Variants in KCNIP4 observed in about 807,000 individuals in gnomAD.
The protein encoded by KCNIP4 is potassium voltage-gated channel interacting protein 4, also known as Kv channel-interacting protein 4.
Under a neutral mutation model 34.0 loss-of-function variants are expected in KCNIP4, and 12 were observed. That is an observed-to-expected ratio of 0.35 (90% confidence interval 0.23 to 0.57). The LOEUF (loss-of-function observed/expected upper bound fraction) is 0.57, where lower values mean the gene tolerates loss of function less well. KCNIP4 is among the 20% of genes least tolerant of loss of function. KCNIP4 has a pLI of 0.83. For synonymous variants in KCNIP4, 124 were observed against 102.2 expected (o/e 1.21, Z -1.29); for missense variants, 238 against 311.7 (o/e 0.76, Z 1.78).
chr4:21,476,189 T>G lies in KCNIP4; in HGVS notation c.61+472382A>C, dbSNP rs1035282189. On this transcript the variant is annotated intron_variant, in intron 1 of 8. Coordinates refer to ENST00000382152, the MANE Select transcript of KCNIP4 (RefSeq NM_025221.6). ...CTTCTGCATTTTATATAGGTAAAGC[T>G]AGAAGAAAAGTAATCTATACTTATA... Among the ~76,000 whole-genome samples, 7 of 152,274 alleles carry G rather than the reference T, an allele frequency of 4.6e-5. No individual in the cohort carries two copies. In the South Asian group the frequency reaches 8.3e-4, roughly 18 times the overall value.
intron 3 of KCNIP4, among the ~76,000 whole-genome samples, chr4:20,765,670 G>A (rs1466763358): frequency 4.6e-5 from 7 of 152,146 alleles, no homozygotes; most frequent in Non-Finnish European, 4.4e-5. Flanking sequence ...GGAGGTCTCT[G>A]GTTCTGCTGG....
intron 3 of KCNIP4, among the ~76,000 whole-genome samples, chr4:20,764,367 A>T (rs1490091762): frequency 6.6e-6 from 1 of 152,116 alleles, no homozygotes; most frequent in Non-Finnish European, 1.5e-5. Flanking sequence ...ATTTTTAGTG[A>T]CTGCATAATA....
At chr4:21,283,628 A>T (rs1321699848) in intron 1 of KCNIP4, among the ~76,000 whole-genome samples, 1 of 128,238 alleles carries the variant, frequency 7.8e-6, no homozygotes, top group South Asian at 2.7e-4. Flanking sequence ...CTATATATAC[A>T]TATGAAGCAA....
At chr4:21,422,427 C>T (rs1417226328) in intron 1 of KCNIP4, among the ~76,000 whole-genome samples, 11 of 152,132 alleles carry the variant, frequency 7.2e-5, no homozygotes, top group Admixed American at 7.2e-4. Flanking sequence ...TCTCCAACTC[C>T]TGACCTCACG....
intron 1 of KCNIP4, among the ~76,000 whole-genome samples, chr4:21,040,260 A>AT (rs1003137898): frequency 6.6e-6 from 1 of 152,032 alleles, no homozygotes; most frequent in African/African-American, 2.4e-5. Context: ...AGGAAAGCCT[A>AT]TTTTTTTCCT....
At chr4:21,502,963 A>T (rs1028328336) in intron 1 of KCNIP4, among the ~76,000 whole-genome samples, 1 of 152,144 alleles carries the variant, frequency 6.6e-6, no homozygotes, top group Non-Finnish European at 1.5e-5. Context: ...TTTTCTATTA[A>T]AAATGATTTT....
In KCNIP4 at chr4:21,746,985, G is replaced by A. The variant is rs150640459; in HGVS notation, c.61+201586C>T. Among the ~76,000 whole-genome samples the A allele has an allele frequency of 8.8e-3, 1,334 of 152,186 alleles. 19 individuals carry two copies. The highest frequency in any genetic ancestry group is 0.039 in the South Asian group (188 of 4,822). ...AATTTCCAAAAAGCAATATGCATTC[G>A]TGTTTATAATAAAAACATAATCATT... is the stretch of plus-strand genomic sequence containing the variant. On this transcript the variant is annotated intron_variant, in intron 1 of 8. Transcript: ENST00000382152.
intron 1 of KCNIP4, among the ~76,000 whole-genome samples, chr4:21,013,186 T>C (rs1739214587): frequency 6.6e-6 from 1 of 152,180 alleles, no homozygotes; most frequent in African/African-American, 2.4e-5. Flanking sequence ...GAATGAGTCA[T>C]ATTTCCACAT....
At chr4:21,578,357 A>AAG (rs1553906183) in intron 1 of KCNIP4, among the ~76,000 whole-genome samples, 5 of 139,244 alleles carry the variant, frequency 3.6e-5, no homozygotes, top group Non-Finnish European at 6.0e-5. Flanking sequence ...AAAAAAAAAA[A>AAG]AGAGTTCATG....
chr4:20,792,010 C>T (rs912936710), intron 3 of KCNIP4, among the ~76,000 whole-genome samples: 5 of 152,164 alleles, frequency 3.3e-5, no homozygotes, highest in Non-Finnish European at 5.9e-5. Context: ...TTAAAATAAA[C>T]TTCTATATAT....
At chr4:21,453,304 T>G (rs780289223) in intron 1 of KCNIP4, among the ~76,000 whole-genome samples, 26 of 152,064 alleles carry the variant, frequency 1.7e-4, no homozygotes, top group Non-Finnish European at 3.5e-4. Context: ...AGTAACAATA[T>G]ATTGAACCCT....
intron 1 of KCNIP4, among the ~76,000 whole-genome samples, chr4:21,344,250 G>A (rs1265919484): frequency 6.6e-6 from 1 of 152,098 alleles, no homozygotes; most frequent in South Asian, 2.1e-4. Flanking sequence ...CATCTAATGT[G>A]GACTGTGAGA....
chr4:21,714,811 T>G (rs186682025), intron 1 of KCNIP4, among the ~76,000 whole-genome samples: 9 of 3,962 alleles, frequency 2.3e-3, no homozygotes, highest in South Asian at 0.013. Flanking sequence ...TTTATTTTAT[T>G]TTATTTTATT....
intron 1 of KCNIP4, among the ~76,000 whole-genome samples, chr4:21,588,502 C>T (rs1227338857): frequency 6.6e-6 from 1 of 152,026 alleles, no homozygotes; most frequent in African/African-American, 2.4e-5. Flanking sequence ...ATTCCAGATA[C>T]ATCAGGATTG....
chr4:21,704,265 G>A (rs537711074), intron 1 of KCNIP4, among the ~76,000 whole-genome samples: 18 of 152,192 alleles, frequency 1.2e-4, no homozygotes, highest in African/African-American at 4.3e-4. Flanking sequence ...CTAGGGCTAC[G>A]CAGAGTCCTT....
At chr4:21,345,970 G>T (rs1717270099) in intron 1 of KCNIP4, among the ~76,000 whole-genome samples, 1 of 149,326 alleles carries the variant, frequency 6.7e-6, no homozygotes, top group African/African-American at 2.5e-5. Flanking sequence ...GGCCTGGGTA[G>T]AGGTCCACAG....
chr4:21,130,520 T>C (rs1750982568), intron 1 of KCNIP4, among the ~76,000 whole-genome samples: 1 of 152,208 alleles, frequency 6.6e-6, no homozygotes, highest in Admixed American at 6.5e-5. Context: ...CCACAATAGA[T>C]TTCACTAAAC....
At chr4:21,232,881 G>GTT (rs1237531477) in intron 1 of KCNIP4, among the ~76,000 whole-genome samples, 3 of 152,140 alleles carry the variant, frequency 2.0e-5, no homozygotes, top group Non-Finnish European at 4.4e-5. Flanking sequence ...ACAGCACAGG[G>GTT]ACAGCAGAGA....
At chr4:21,592,257 ATT>A (rs1489689536) in intron 1 of KCNIP4, among the ~76,000 whole-genome samples, 3 of 152,086 alleles carry the variant, frequency 2.0e-5, no homozygotes, top group Non-Finnish European at 4.4e-5. Context: ...AGAGAAGAGT[ATT>A]TATTCTTTGA....
Sources: gnomAD v4.1 joint callset for allele counts (sites outside exome capture counted in the v4.1 genomes callset) on GRCh38, gnomAD v4.1.1 for gene constraint, MANE v1.5 for transcripts, NCBI Gene and HGNC (gene_info 2026-07-23, HGNC 2026-07-21) for gene names.